Variants in DTNB observed in about 807,000 individuals in gnomAD.
DTNB encodes the protein dystrobrevin beta, also known as DTN-B.
DTNB carries 63 observed loss-of-function variants against 90.7 expected under a neutral mutation model. The ratio of observed to expected loss-of-function variants is 0.69; its 90% CI spans 0.57 to 0.86. DTNB has a LOEUF of 0.86. DTNB is among the 40% of genes least tolerant of loss of function. The pLI is 0.00. For synonymous variants in DTNB, 277 were observed against 286.7 expected (o/e 0.97, Z 0.34); for missense variants, 744 against 807.1 (o/e 0.92, Z 0.95).
intron 8 of DTNB, among the ~76,000 whole-genome samples, chr2:25,534,546 T>A (rs944110540): frequency 2.6e-5 from 4 of 151,870 alleles, no homozygotes; most frequent in Admixed American, 6.6e-5. Context: ...ACTTCCCAGA[T>A]GGGGCGGCCT....
At chr2:25,598,672 T>C (rs1257205635) in intron 5 of DTNB, 1 of 152,058 alleles carries the variant, frequency 6.6e-6, no homozygotes, top group East Asian at 1.9e-4. Context: ...ATAAAGACAT[T>C]TGGAAGCTAG....
At chr2:25,427,224 CT>C (rs1388030573) in intron 15 of DTNB, among the ~76,000 whole-genome samples, 24 of 148,598 alleles carry the variant, frequency 1.6e-4, no homozygotes, top group Admixed American at 7.4e-4. Flanking sequence ...CACACACACA[CT>C]ACTTTAAGTA....
intron 8 of DTNB, among the ~76,000 whole-genome samples, chr2:25,538,215 T>A (rs1353455111): frequency 6.6e-6 from 1 of 151,954 alleles, no homozygotes; most frequent in Non-Finnish European, 1.5e-5. Context: ...AGACTCCATC[T>A]CAAAAACAAC....
chr2:25,525,908 T>A (rs962009710), intron 9 of DTNB, among the ~76,000 whole-genome samples: 1 of 151,902 alleles, frequency 6.6e-6, no homozygotes, highest in African/African-American at 2.4e-5. Context: ...GTTGAAAGAA[T>A]GGATAAGAAG....
At chr2:25,479,232 T>C (rs1193452435) in intron 10 of DTNB, among the ~76,000 whole-genome samples, 1 of 152,174 alleles carries the variant, frequency 6.6e-6, no homozygotes, top group East Asian at 1.9e-4. Context: ...TTAGAAGACA[T>C]TTAAAAATAA....
At chr2:25,656,535 T>C (rs1187265636) in intron 1 of DTNB, among the ~76,000 whole-genome samples, 1 of 152,198 alleles carries the variant, frequency 6.6e-6, no homozygotes. Flanking sequence ...TATCATTACC[T>C]TCACACTAAC....
chr2:25,588,627 T>A (rs1323767930), intron 6 of DTNB, among the ~76,000 whole-genome samples: 1 of 152,160 alleles, frequency 6.6e-6, no homozygotes, highest in Non-Finnish European at 1.5e-5. Flanking sequence ...CCTCCCAAAG[T>A]GCTGGGAGTA....
At chr2:25,451,138 T>A (rs1292873569) in intron 12 of DTNB, among the ~76,000 whole-genome samples, 1 of 152,212 alleles carries the variant, frequency 6.6e-6, no homozygotes, top group Non-Finnish European at 1.5e-5. Context: ...ACTAGTGTTT[T>A]TTTAGATTTC....
chr2:25,625,623 T>G (rs1290536471), intron 4 of DTNB, among the ~76,000 whole-genome samples: 2 of 146,768 alleles, frequency 1.4e-5, no homozygotes, highest in Non-Finnish European at 3.0e-5. Flanking sequence ...TTCAACTGAT[T>G]CACTGTCCAC....
At chr2:25,468,702 T>C (rs897716003) in intron 10 of DTNB, among the ~76,000 whole-genome samples, 1 of 152,220 alleles carries the variant, frequency 6.6e-6, no homozygotes, top group African/African-American at 2.4e-5. Flanking sequence ...ACAATGCTCT[T>C]GCCTTGCCTT....
intron 5 of DTNB, chr2:25,598,859 A>C (rs1395654469): frequency 6.6e-6 from 1 of 152,158 alleles, no homozygotes; most frequent in Non-Finnish European, 1.5e-5. Flanking sequence ...GCCAATTTAT[A>C]GTGAGAAAAA....
At chr2:25,527,699 C>T (rs1204702550) in intron 9 of DTNB, among the ~76,000 whole-genome samples, 2 of 152,078 alleles carry the variant, frequency 1.3e-5, no homozygotes, top group East Asian at 3.8e-4. Context: ...TCCAAGGTAA[C>T]TTCAAAAATA....
chr2:25,476,861 G>C (rs1297482928), intron 10 of DTNB, among the ~76,000 whole-genome samples: 7 of 152,194 alleles, frequency 4.6e-5, no homozygotes, highest in Non-Finnish European at 1.0e-4. Context: ...GCAGTGGCAG[G>C]GTATGAGAGG....
At chr2:25,662,690 AC>A (rs2083492167) in intron 1 of DTNB, among the ~76,000 whole-genome samples, 1 of 150,618 alleles carries the variant, frequency 6.6e-6, no homozygotes, top group African/African-American at 2.4e-5. Flanking sequence ...AAACACACAC[AC>A]ACACACACAC....
rs897912153 is a variant in DTNB at position 25,673,477 on chromosome 2, G to A, written c.-93C>T. On this transcript the variant is annotated 5_prime_UTR_variant, in exon 1 of 21. Transcript: ENST00000406818. ...GCTCCGGCCCAGCCCCCTCGGCTGA[G>A]GCAGCGGCAGCGCCTACTCAGGCCC... 3.3e-5 allele frequency: 5 copies of A among 151,002 alleles called. No homozygotes were observed. Among genetic ancestry groups the A allele is most frequent in the African/African-American group, 4.8e-5 (2 of 41,314 alleles). 9.4% of individuals were successfully genotyped at this position (151,002 alleles called of 1,614,324 possible).
intron 9 of DTNB, among the ~76,000 whole-genome samples, chr2:25,516,228 T>G (rs1352235174): frequency 6.6e-6 from 1 of 152,088 alleles, no homozygotes; most frequent in Non-Finnish European, 1.5e-5. Flanking sequence ...CTGGTGGGAC[T>G]GTAAAATAGT....
At chr2:25,442,756 C>T (rs546837819) in intron 12 of DTNB, among the ~76,000 whole-genome samples, 42 of 152,262 alleles carry the variant, frequency 2.8e-4, no homozygotes, top group Non-Finnish European at 2.9e-5. Context: ...GTCACATAAC[C>T]CTGTGTTTGA....
At chr2:25,482,499 G>A (rs1393960406) in intron 10 of DTNB, among the ~76,000 whole-genome samples, 2 of 152,070 alleles carry the variant, frequency 1.3e-5, no homozygotes, top group African/African-American at 2.4e-5. Context: ...TTAAAAAAAC[G>A]GATCTGAAAC....
intron 12 of DTNB, among the ~76,000 whole-genome samples, chr2:25,442,465 G>A (rs1163049875): frequency 6.6e-6 from 1 of 152,194 alleles, no homozygotes; most frequent in Non-Finnish European, 1.5e-5. Context: ...ACTGGGCTTA[G>A]GCAGCAGTAG....
Sources: allele counts gnomAD v4.1 joint callset (sites outside exome capture counted in the v4.1 genomes callset), GRCh38; gene constraint gnomAD v4.1.1; transcripts MANE v1.5; gene names NCBI Gene and HGNC (gene_info 2026-07-23, HGNC 2026-07-21).